PTPRA: variants seen among roughly 807,000 people sequenced by gnomAD.
PTPRA encodes receptor-type tyrosine-protein phosphatase alpha.
A neutral mutation model predicts 104.8 loss-of-function variants in PTPRA; 25 were observed. The ratio of observed to expected loss-of-function variants is 0.24; its 90% CI spans 0.17 to 0.33. PTPRA has a LOEUF of 0.33. Among genes scored for constraint, PTPRA ranks in the 10% least tolerant of loss-of-function variants. PTPRA has a pLI of 1.00. For synonymous variants in PTPRA, 323 were observed against 368.9 expected, an observed-to-expected ratio of 0.88 and a Z score of 1.43; for missense variants, 765 against 1,015.3, an observed-to-expected ratio of 0.75 and a Z score of 3.35.
At chr20:2,891,356 C>T (rs1158654474) in intron 1 of PTPRA, among the ~76,000 whole-genome samples, 1 of 152,124 alleles carries the variant, frequency 6.6e-6, no homozygotes, top group Non-Finnish European at 1.5e-5. Flanking sequence ...CAGAGCAGGC[C>T]CTCATGATCC....
chr20:2,926,769 C>CTTTTTTTGTTTTTTTTTTT (rs2060311969), intron 2 of PTPRA, among the ~76,000 whole-genome samples: 1 of 85,020 alleles, frequency 1.2e-5, no homozygotes, highest in African/African-American at 4.8e-5. Context: ...TTTCCTTTTC[C>CTTTTTTTGTTTTTTTTTTT]TTTTTTTTTT....
chr20:3,014,700 G>A (rs1288892025), intron 11 of PTPRA, among the ~76,000 whole-genome samples: 1 of 151,970 alleles, frequency 6.6e-6, no homozygotes, highest in Non-Finnish European at 1.5e-5. Context: ...TTTGGCCACT[G>A]CCTTGCAGCC....
In PTPRA at chr20:2,897,979, CTT is replaced by C. The variant is rs200015585; in HGVS notation, c.-129+24221_-129+24222del. 2.5e-4 allele frequency among the ~76,000 whole-genome samples: 35 copies of C among 140,504 alleles called. No individual in the cohort carries two copies. The East Asian group carries it at 6.6e-3, about 27-fold the overall frequency. 92.2% of individuals were successfully genotyped at this position (140,504 alleles called of 152,430 possible). A position where few individuals can be genotyped will look rare whatever the true frequency, so the allele number is the denominator to read the frequency against. On this transcript the variant is annotated intron_variant, in intron 1 of 23. Transcript: ENST00000399903. ...CCAGGCTGGGGTGCAATGGCGTGCT[CTT>C]TGTTCACTGCAACCTCCACCTCCCA...
chr20:2,879,493 A>G (rs1322853359), intron 1 of PTPRA, among the ~76,000 whole-genome samples: 3 of 152,194 alleles, frequency 2.0e-5, no homozygotes, highest in Non-Finnish European at 4.4e-5. Context: ...GCTTGCAGTG[A>G]CAGAGTAATT....
chr20:2,965,972 T>C (rs1268236026), intron 5 of PTPRA, among the ~76,000 whole-genome samples: 3 of 152,226 alleles, frequency 2.0e-5, no homozygotes, highest in Non-Finnish European at 2.9e-5. Context: ...ACCTGATTGC[T>C]ATGTAACTGT....
chr20:2,918,452 G>A (rs1048917585), intron 1 of PTPRA, among the ~76,000 whole-genome samples: 2 of 152,220 alleles, frequency 1.3e-5, no homozygotes, highest in African/African-American at 2.4e-5. Flanking sequence ...AGTGGTTGCC[G>A]TAGTAAGCAT....
intron 5 of PTPRA, among the ~76,000 whole-genome samples, chr20:2,966,749 G>C (rs769904820): frequency 5.3e-5 from 8 of 152,220 alleles, no homozygotes; most frequent in Non-Finnish European, 8.8e-5. Flanking sequence ...ATGTTTTTCA[G>C]TGTACAGGTC....
Position 3,035,975 on chromosome 20 carries a change from A to G in PTPRA, c.2198+34A>G, listed in dbSNP as rs775094399. On this transcript the variant is annotated intron_variant, in intron 22 of 23. Coordinates refer to ENST00000399903, the MANE Select transcript of PTPRA (RefSeq NM_001385305.1). This position sits in a 1 kb window ranked among gnomAD's most constrained non-coding sequence, Gnocchi z 5.8. ...CACCCTTGCCCTCAGCGGGAGAGAG[A>G]AAGCGAGGAGGGGCAGATAGGGGAA... The G allele has an allele frequency of 1.2e-6, 2 of 1,611,988 alleles. No individual in the cohort carries two copies. Among genetic ancestry groups the G allele is most frequent in the Non-Finnish European group, 1.7e-6 (2 of 1,179,426 alleles).
chr20:3,032,812 C>T lies in PTPRA; in HGVS notation c.1921-2773C>T, dbSNP rs78066937. On this transcript the variant is annotated intron_variant, in intron 20 of 23. Transcript: ENST00000399903. ...GCTTTCTCCCTGCAAGTTCTCTGTT[C>T]GCTCTGTTCCTTCCAGGCTTGGCCC... is the stretch of plus-strand genomic sequence containing the variant. Among the ~76,000 whole-genome samples the T allele has an allele frequency of 3.6e-3, 536 of 150,706 alleles. 1 individual carries two copies. Among genetic ancestry groups the T allele is most frequent in the African/African-American group, 0.012 (482 of 41,202 alleles).
At chr20:2,917,429 T>C (rs2059944770) in intron 1 of PTPRA, among the ~76,000 whole-genome samples, 1 of 152,154 alleles carries the variant, frequency 6.6e-6, no homozygotes, top group Admixed American at 6.6e-5. Flanking sequence ...CCTTCTCCTA[T>C]TTCCTGTCTC....
chr20:2,947,190 T>C (rs2061168236), intron 2 of PTPRA, among the ~76,000 whole-genome samples: 1 of 152,208 alleles, frequency 6.6e-6, no homozygotes. Flanking sequence ...AACTATTTCC[T>C]CTCATAATAT....
intron 2 of PTPRA, among the ~76,000 whole-genome samples, chr20:2,927,256 G>A (rs191210115): frequency 1.2e-4 from 18 of 152,202 alleles, no homozygotes; most frequent in African/African-American, 4.1e-4. Context: ...GTCAGGCCAG[G>A]CAGCATTTTC....
At chr20:3,024,385 T>C (rs988663283) in intron 16 of PTPRA, 87 bp from the exon 17 acceptor site, 1 of 1,329,534 alleles carries the variant, frequency 7.5e-7, no homozygotes, top group Non-Finnish European at 1.1e-6. Context: ...AGAAATGGAC[T>C]GGAGTGAAGT....
chr20:2,895,999 A>G (rs910049160), intron 1 of PTPRA, among the ~76,000 whole-genome samples: 2 of 152,060 alleles, frequency 1.3e-5, no homozygotes, highest in African/African-American at 4.8e-5. Context: ...GTATGTATTT[A>G]TAAGTGTCTC....
intron 6 of PTPRA, among the ~76,000 whole-genome samples, chr20:2,985,865 C>A (rs369641921): frequency 6.6e-6 from 1 of 150,998 alleles, no homozygotes; most frequent in East Asian, 2.0e-4. Flanking sequence ...AGGCATGAGC[C>A]GCCACACCCA....
intron 19 of PTPRA, 132 bp from the exon 20 acceptor site, chr20:3,027,575 G>T: frequency 8.0e-7 from 1 of 1,242,386 alleles, no homozygotes; most frequent in African/African-American, 1.5e-5. Context: ...TTTCGTCCTT[G>T]GCCACAGGGG....
At chr20:3,012,707 G>A (rs1158427651) in intron 11 of PTPRA, among the ~76,000 whole-genome samples, 1 of 152,218 alleles carries the variant, frequency 6.6e-6, no homozygotes, top group South Asian at 2.1e-4. Flanking sequence ...TAGTGTGTAG[G>A]GCAGCATCCT....
chr20:2,878,966 T>G (rs1462940585), intron 1 of PTPRA, among the ~76,000 whole-genome samples: 1 of 152,216 alleles, frequency 6.6e-6, no homozygotes, highest in Non-Finnish European at 1.5e-5. Context: ...TAGAATAGGA[T>G]CATAGCAGTA....
intron 5 of PTPRA, 129 bp downstream of exon 5, chr20:2,965,331 T>C: frequency 1.1e-6 from 1 of 941,566 alleles, no homozygotes; most frequent in African/African-American, 1.7e-5. Context: ...TAATGAAACC[T>C]GTATGTGGAA....
Sources: allele counts gnomAD v4.1 joint callset (sites outside exome capture counted in the v4.1 genomes callset), GRCh38; gene constraint gnomAD v4.1.1; non-coding constraint Gnocchi (gnomAD v3.1); transcripts MANE v1.5; gene names NCBI Gene and HGNC (gene_info 2026-07-23, HGNC 2026-07-21).